Variants in ZCCHC14 observed in about 807,000 individuals in gnomAD.
The protein encoded by ZCCHC14 is zinc finger CCHC-type containing 14, also known as zinc finger CCHC domain-containing protein 14.
ZCCHC14 carries 16 observed loss-of-function variants against 85.0 expected under a neutral mutation model. The ratio of observed to expected loss-of-function variants is 0.19; its 90% CI spans 0.13 to 0.29. The LOEUF (loss-of-function observed/expected upper bound fraction) is 0.29. Among genes scored for constraint, ZCCHC14 ranks in the 10% least tolerant of loss-of-function variants. The pLI, the probability that ZCCHC14 is intolerant of heterozygous loss-of-function variation, is 1.00. For missense variants in ZCCHC14, 1,303 were observed against 1,443.5 expected, an observed-to-expected ratio of 0.90 and a Z score of 1.58; for synonymous variants, 775 against 630.7, an observed-to-expected ratio of 1.23 and a Z score of -3.43.
chr16:87,417,589 T>A lies in ZCCHC14; in HGVS notation c.1254A>T (p.Ser418=), dbSNP rs1908853325. ...GACTGGAAGGCATGAGGATGGCAGG[T>A]GATGTGTCCATCTGGGTCCGGTAGG... ...ALAYRTQMDT[S]PAILMPSSLQ... is the part of the protein sequence containing the mutation. Residue 418 remains serine (S), a synonymous_variant, in exon 8 of 13, where the codon TCA becomes TCT. Coordinates refer to ENST00000671377, the MANE Select transcript of ZCCHC14 (RefSeq NM_015144.3). The A allele has an allele frequency of 1.2e-6, 2 of 1,614,198 alleles. No individual in the cohort carries two copies. Among genetic ancestry groups the A allele is most frequent in the Non-Finnish European group, 1.7e-6 (2 of 1,180,020 alleles).
intron 1 of ZCCHC14, among the ~76,000 whole-genome samples, chr16:87,462,601 A>C (rs4427813): frequency 2.4e-4 from 37 of 151,916 alleles, no homozygotes; most frequent in Non-Finnish European, 4.4e-4. Flanking sequence ...TTAGCCAGGC[A>C]TGGTGGCGGG....
chr16:87,444,629 T>G (rs1483007308), intron 2 of ZCCHC14, among the ~76,000 whole-genome samples: 1 of 152,222 alleles, frequency 6.6e-6, no homozygotes, highest in East Asian at 1.9e-4. Context: ...AGCATGTTCC[T>G]GGCAAAGATG....
intron 1 of ZCCHC14, among the ~76,000 whole-genome samples, chr16:87,479,943 C>T (rs1466547398): frequency 2.0e-5 from 3 of 146,356 alleles, no homozygotes; most frequent in Admixed American, 6.8e-5. Context: ...TCTTCTTTTT[C>T]TTTTTTTTTT....
rs576230236 is a variant in ZCCHC14 at position 87,491,492 on chromosome 16, G to A, written c.570+177C>T. Among the ~76,000 whole-genome samples, 1 of 152,162 alleles carries A rather than the reference G, an allele frequency of 6.6e-6. No individual in the cohort carries two copies. Among genetic ancestry groups the A allele is most frequent in the East Asian group, 1.9e-4 (1 of 5,160 alleles). ...ATTTGGGGTGCGACATAGAGGCTTAGGATGGGGCTTGGGATACGGGCTGGG... is the reference window on the plus strand; with the variant it reads ...ATTTGGGGTGCGACATAGAGGCTTAAGATGGGGCTTGGGATACGGGCTGGG... On this transcript the variant is annotated intron_variant, in intron 1 of 12. Coordinates refer to ENST00000671377, the MANE Select transcript of ZCCHC14 (RefSeq NM_015144.3). This position sits in a 1 kb window ranked among gnomAD's most constrained non-coding sequence, Gnocchi z 5.9.
intron 1 of ZCCHC14, among the ~76,000 whole-genome samples, chr16:87,477,075 A>G (rs1218392448): frequency 2.0e-5 from 3 of 147,488 alleles, no homozygotes; most frequent in African/African-American, 7.7e-5. Flanking sequence ...CAGTGAGCCA[A>G]GATCGCTACA....
At chr16:87,480,545 T>C (rs1912221418) in intron 1 of ZCCHC14, among the ~76,000 whole-genome samples, 1 of 152,084 alleles carries the variant, frequency 6.6e-6, no homozygotes, top group African/African-American at 2.4e-5. Context: ...AAAGTATGAG[T>C]TGGTTACAGG....
intron 3 of ZCCHC14, among the ~76,000 whole-genome samples, chr16:87,425,989 G>T (rs1909350404): frequency 6.6e-6 from 1 of 152,162 alleles, no homozygotes; most frequent in African/African-American, 2.4e-5. Context: ...AATTACACAG[G>T]ACTCTTCTAC....
rs1266400890 is a variant in ZCCHC14, at chr16:87,409,731, G to T, written c.*549C>A. 1 of 152,658 alleles carries T rather than the reference G, an allele frequency of 6.6e-6. No individual in the cohort carries two copies. The highest frequency in any genetic ancestry group is 1.5e-5 in the Non-Finnish European group (1 of 68,094). The allele number at this position is 152,658 out of a possible 1,614,324, so 9.5% of individuals were successfully genotyped here. On this transcript the variant is annotated 3_prime_UTR_variant, in exon 13 of 13. Transcript: ENST00000671377. ...TCTCTTGCACTGACTGTTCTCAGAG[G>T]AGTTTGGCTCCCAGAACCGCAGAGA... is the stretch of plus-strand genomic sequence containing the variant.
intron 1 of ZCCHC14, among the ~76,000 whole-genome samples, chr16:87,489,545 T>C (rs537973545): frequency 2.7e-4 from 41 of 152,338 alleles, no homozygotes; most frequent in African/African-American, 8.4e-4. Context: ...ATGTTACCTA[T>C]GTAATCCTCA....
chr16:87,435,951 T>C (rs1909901285), intron 2 of ZCCHC14, among the ~76,000 whole-genome samples: 1 of 152,266 alleles, frequency 6.6e-6, no homozygotes, highest in Non-Finnish European at 1.5e-5. Context: ...TTTATGTTTT[T>C]CTAAAGCAGT....
Position 87,412,376 on chromosome 16 carries a change from A to G in ZCCHC14, c.2345T>C (p.Val782Ala). Residue 782 changes from valine to alanine, a missense_variant, in exon 12 of 13, where the codon GTT becomes GCT. Coordinates refer to ENST00000671377, the MANE Select transcript of ZCCHC14 (RefSeq NM_015144.3). ...CCCAGAAATGGCAGAATCAGCAGGA[A>G]CAGATGACGACAGCAGCAGTTTGAT... ...PPIKLLLSSS[V>A]PADSAISGQT... The G allele has an allele frequency of 6.2e-7, 1 of 1,614,196 alleles. No homozygotes were observed. Among genetic ancestry groups the G allele is most frequent in the Non-Finnish European group, 8.5e-7 (1 of 1,180,038 alleles).
chr16:87,459,892 A>G (rs187632957), intron 2 of ZCCHC14, 116 bp downstream of exon 2: 57 of 1,475,838 alleles, frequency 3.9e-5, no homozygotes, highest in South Asian at 5.2e-5. Flanking sequence ...AAAAATACAC[A>G]TAAGATTGGC....
intron 2 of ZCCHC14, among the ~76,000 whole-genome samples, chr16:87,440,346 G>T (rs998793365): frequency 6.6e-6 from 1 of 151,748 alleles, no homozygotes; most frequent in Admixed American, 6.6e-5. Context: ...TGCATTTTTA[G>T]TAGAGACAGG....
chr16:87,492,274 G>A lies in ZCCHC14; in HGVS notation c.-36C>T, dbSNP rs1912801728. On this transcript the variant is annotated 5_prime_UTR_variant, in exon 1 of 13. Transcript: ENST00000671377. The surrounding 1 kb of genome is among the most constrained non-coding windows in gnomAD (Gnocchi z 6.7). Reference sequence around the variant, plus strand: ...GCGCCGCGCCGCGACCCGGGGCCGGGGACCGCGCGGGGGCGGCCGGGGGGC... The same window carrying A: ...GCGCCGCGCCGCGACCCGGGGCCGGAGACCGCGCGGGGGCGGCCGGGGGGC... 1 of 977,910 alleles carries A rather than the reference G, an allele frequency of 1.0e-6. No individual in the cohort carries two copies. The highest frequency in any genetic ancestry group is 1.2e-6 in the Non-Finnish European group (1 of 826,798). 60.6% of individuals were successfully genotyped at this position (977,910 alleles called of 1,614,324 possible). A position where few individuals can be genotyped will look rare whatever the true frequency, so the allele number is the denominator to read the frequency against.
intron 2 of ZCCHC14, among the ~76,000 whole-genome samples, chr16:87,458,062 G>C (rs1312679116): frequency 6.6e-6 from 1 of 150,736 alleles, no homozygotes; most frequent in East Asian, 1.9e-4. Context: ...GCATGCAGAC[G>C]AGACAATGAC....
intron 2 of ZCCHC14, among the ~76,000 whole-genome samples, chr16:87,440,968 T>C (rs970287674): frequency 6.6e-6 from 1 of 151,758 alleles, no homozygotes; most frequent in African/African-American, 2.4e-5. Context: ...ATCAGTCTTC[T>C]ATCTGCTATT....
At position 87,460,134 on chromosome 16, in the gene ZCCHC14, G is replaced by A. The variant is rs751218998; in HGVS notation, c.571-3C>T. ...GGGGCCTCAGTTCTTGGAGTGATCT[G>A]AGGGAACAGAAACAGAATCATCTTA... On this transcript the variant is annotated splice_region_variant and splice_polypyrimidine_tract_variant and intron_variant, in intron 1 of 12. Transcript: ENST00000671377. 1.2e-6 allele frequency: 2 copies of A among 1,613,732 alleles called. No homozygotes were observed. The highest frequency in any genetic ancestry group is 1.7e-6 in the Non-Finnish European group (2 of 1,179,886).
intron 1 of ZCCHC14, chr16:87,472,059 G>A (rs1229982031): frequency 6.6e-6 from 1 of 152,260 alleles, no homozygotes; most frequent in Non-Finnish European, 1.5e-5. Flanking sequence ...TATGCAACAG[G>A]AGAGAAAATG....
intron 2 of ZCCHC14, among the ~76,000 whole-genome samples, chr16:87,437,166 G>A (rs962334888): frequency 6.6e-6 from 1 of 151,808 alleles, no homozygotes; most frequent in Non-Finnish European, 1.5e-5. Flanking sequence ...GAGAAACTCC[G>A]TCTCTAGTAA....
Sources: gnomAD v4.1 joint callset for allele counts (sites outside exome capture counted in the v4.1 genomes callset) on GRCh38, gnomAD v4.1.1 for gene constraint, Gnocchi (gnomAD v3.1) non-coding constraint, MANE v1.5 for transcripts, NCBI Gene and HGNC (gene_info 2026-07-23, HGNC 2026-07-21) for gene names.